The following EXOSC7 variants were observed in gnomAD, a reference collection of about 807,000 sequenced individuals.
EXOSC7 encodes the protein exosome complex component RRP42.
In EXOSC7, 25 loss-of-function variants were observed where a neutral mutation model predicts 34.3. That is an observed-to-expected ratio of 0.73 (90% CI 0.53 to 1.02). The LOEUF is 1.02. Among genes scored for constraint, EXOSC7 ranks in the 50% least tolerant of loss-of-function variants. The pLI is 0.00. For synonymous variants in EXOSC7, 130 were observed against 143.0 expected (o/e 0.91, Z 0.65); for missense variants, 370 against 368.5 (o/e 1.00, Z -0.03).
intron 4 of EXOSC7, among the ~76,000 whole-genome samples, chr3:45,001,270 T>G (rs557506863): frequency 6.6e-6 from 1 of 152,086 alleles, no homozygotes; most frequent in Admixed American, 6.5e-5. Flanking sequence ...CTGGCCAACA[T>G]GGTGAAACCC....
intron 7 of EXOSC7, among the ~76,000 whole-genome samples, chr3:45,010,954 A>G (rs376317725): frequency 1.1e-4 from 17 of 152,348 alleles, no homozygotes; most frequent in East Asian, 9.6e-4. Context: ...GCATGAGCTA[A>G]TGGCCAGGGC....
intron 1 of EXOSC7, among the ~76,000 whole-genome samples, chr3:44,983,790 G>A (rs1706335952): frequency 6.6e-6 from 1 of 150,436 alleles, no homozygotes; most frequent in Admixed American, 6.6e-5. Context: ...AAAAACTGTG[G>A]TAGGGCACCA....
chr3:45,009,086 C>T (rs1249832324), intron 7 of EXOSC7, among the ~76,000 whole-genome samples: 10 of 152,186 alleles, frequency 6.6e-5, no homozygotes, highest in African/African-American at 2.2e-4. Flanking sequence ...AGACTGTGTG[C>T]GTCCAGAGCC....
intron 7 of EXOSC7, 31 bp downstream of exon 7, chr3:45,007,606 G>T (rs986844041): frequency 2.6e-6 from 4 of 1,559,382 alleles, no homozygotes; most frequent in Non-Finnish European, 3.5e-6. Context: ...AAGGTGCAGG[G>T]ACCTGGCCGG....
downstream of EXOSC7, chr3:45,012,071 A>G (rs895853946): frequency 7.9e-5 from 12 of 152,256 alleles, no homozygotes; most frequent in Admixed American, 2.0e-4. Context: ...ATTGAAAGGA[A>G]GACTATGCTT....
intron 7 of EXOSC7, among the ~76,000 whole-genome samples, chr3:45,008,116 C>T (rs907708610): frequency 1.3e-5 from 2 of 152,210 alleles, no homozygotes; most frequent in Non-Finnish European, 2.9e-5. Flanking sequence ...GCCATCAAGG[C>T]GCTTCTACAG....
rs139240568 is a variant in EXOSC7 at position 44,977,653 on chromosome 3, A to C, written c.57+1319A>C. ...GGCATAAAAATGCCCAAAAGCAGTTAGATATGTCTTTCCCTGCTATATTTT... is the reference window on the plus strand; with the variant it reads ...GGCATAAAAATGCCCAAAAGCAGTTCGATATGTCTTTCCCTGCTATATTTT... On this transcript the variant is annotated intron_variant, in intron 1 of 7. Coordinates refer to ENST00000265564, the MANE Select transcript of EXOSC7 (RefSeq NM_015004.4). Among the ~76,000 whole-genome samples, 111 of 152,364 alleles carry C rather than the reference A, an allele frequency of 7.3e-4. 3 individuals carry two copies. In the East Asian group the frequency reaches 0.021, roughly 29 times the overall value.
intron 5 of EXOSC7, chr3:45,005,056 TCCA>T: frequency 1.3e-5 from 6 of 479,426 alleles, no homozygotes; most frequent in African/African-American, 5.8e-5. Flanking sequence ...TTCTTTTTTT[TCCA>T]TTGGGATATC....
At chr3:44,992,491 CCT>C (rs1327935812) in intron 3 of EXOSC7, among the ~76,000 whole-genome samples, 4 of 152,250 alleles carry the variant, frequency 2.6e-5, no homozygotes, top group East Asian at 1.9e-4. Flanking sequence ...CATAATTTAC[CCT>C]GTTTCTTGGG....
chr3:44,989,494 G>C, intron 2 of EXOSC7, 56 bp from the exon 3 acceptor site: 2 of 1,345,320 alleles, frequency 1.5e-6, no homozygotes, highest in Non-Finnish European at 2.1e-6. Flanking sequence ...GGAGGGAGGT[G>C]GTGGAGTACC....
chr3:45,006,890 T>A (rs1490941630), intron 6 of EXOSC7, among the ~76,000 whole-genome samples: 1 of 149,980 alleles, frequency 6.7e-6, no homozygotes, highest in Non-Finnish European at 1.5e-5. Flanking sequence ...TATCTGGCTA[T>A]TTTTTTGTAT....
At chr3:44,981,944 A>G (rs1706281216) in intron 1 of EXOSC7, among the ~76,000 whole-genome samples, 1 of 152,204 alleles carries the variant, frequency 6.6e-6, no homozygotes, top group African/African-American at 2.4e-5. Flanking sequence ...GAAAGTCCCC[A>G]GACAGCTCTG....
intron 6 of EXOSC7, among the ~76,000 whole-genome samples, chr3:45,006,606 C>T (rs1278310439): frequency 2.7e-5 from 4 of 149,606 alleles, no homozygotes; most frequent in Non-Finnish European, 4.4e-5. Flanking sequence ...TTAGTAGAGA[C>T]GGGGTTTCAC....
chr3:45,006,068 CTTTTTTTTTTTTTTT>C (rs34869939), intron 6 of EXOSC7, among the ~76,000 whole-genome samples: 8 of 47,298 alleles, frequency 1.7e-4, no homozygotes, highest in South Asian at 1.2e-3. Flanking sequence ...TGGGTCTTGG[CTTTTTTTTTTTTTTT>C]TTTTTTTTTT....
chr3:44,989,372 G>A, intron 2 of EXOSC7, 131 bp downstream of exon 2: 1 of 852,450 alleles, frequency 1.2e-6, no homozygotes, highest in South Asian at 1.6e-5. Context: ...GCCAAACTCA[G>A]GGAGGGGGGG....
intron 1 of EXOSC7, among the ~76,000 whole-genome samples, chr3:44,983,159 TCC>T (rs1247173569): frequency 6.6e-6 from 1 of 152,190 alleles, no homozygotes; most frequent in Non-Finnish European, 1.5e-5. Context: ...GGACTGGGCT[TCC>T]TGGGTGTGAG....
intron 1 of EXOSC7, among the ~76,000 whole-genome samples, chr3:44,979,575 C>G (rs568618419): frequency 1.4e-5 from 2 of 145,906 alleles, no homozygotes; most frequent in African/African-American, 5.1e-5. Context: ...TCCAGGAATC[C>G]TAATCTCTGC....
chr3:44,985,313 T>A (rs1403716387), intron 1 of EXOSC7, among the ~76,000 whole-genome samples: 1 of 152,188 alleles, frequency 6.6e-6, no homozygotes, highest in African/African-American at 2.4e-5. Context: ...AGACTCAAGA[T>A]AGGGATATTG....
chr3:44,982,817 T>C (rs1375450448), intron 1 of EXOSC7, among the ~76,000 whole-genome samples: 5 of 152,224 alleles, frequency 3.3e-5, no homozygotes, highest in Non-Finnish European at 7.3e-5. Flanking sequence ...TGCAGAGTTA[T>C]GGAGCCATAT....
Sources: allele counts gnomAD v4.1 joint callset (sites outside exome capture counted in the v4.1 genomes callset), GRCh38; gene constraint gnomAD v4.1.1; transcripts MANE v1.5; gene names NCBI Gene and HGNC (gene_info 2026-07-23, HGNC 2026-07-21).